The following TTC29 variants were observed in gnomAD, a reference collection of about 807,000 sequenced individuals.
TTC29 encodes the protein tetratricopeptide repeat domain 29.
Under a neutral mutation model 58.1 loss-of-function variants are expected in TTC29, and 49 were observed. That is an observed-to-expected ratio of 0.84 (90% CI 0.67 to 1.07). The LOEUF (loss-of-function observed/expected upper bound fraction) is 1.07. Ranked by LOEUF, TTC29 falls within the 50% of genes least tolerant of loss-of-function variation. The probability of loss-of-function intolerance (pLI) is 0.00; values close to 1 mark genes in which losing one functional copy is unlikely to be tolerated. For missense variants in TTC29, 582 were observed against 555.6 expected (o/e 1.05, Z -0.48); for synonymous variants, 209 against 196.8 (o/e 1.06, Z -0.52).
At chr4:146,855,166 A>G (rs1310279946) in intron 8 of TTC29, among the ~76,000 whole-genome samples, 1 of 152,108 alleles carries the variant, frequency 6.6e-6, no homozygotes, top group Non-Finnish European at 1.5e-5. Flanking sequence ...ATGGTGGCTC[A>G]TGCCTATAAT....
chr4:146,918,085 C>T (rs532213674), intron 4 of TTC29, among the ~76,000 whole-genome samples: 31 of 150,932 alleles, frequency 2.1e-4, no homozygotes, highest in African/African-American at 6.5e-4. Flanking sequence ...AAAACAGTTA[C>T]GCGTTTACTA....
At chr4:146,876,227 T>C (rs1307039386) in intron 6 of TTC29, among the ~76,000 whole-genome samples, 1 of 152,232 alleles carries the variant, frequency 6.6e-6, no homozygotes, top group African/African-American at 2.4e-5. Flanking sequence ...AATTATATGT[T>C]ACAGGGTAGG....
intron 11 of TTC29, among the ~76,000 whole-genome samples, chr4:146,776,298 C>A (rs187682322): frequency 5.3e-4 from 80 of 152,276 alleles, no homozygotes; most frequent in Non-Finnish European, 1.0e-3. Flanking sequence ...TCATTTCAAC[C>A]TTTTCAGCCT....
At chr4:146,935,558 TGAG>T (rs747107948) in intron 4 of TTC29, among the ~76,000 whole-genome samples, 3 of 152,178 alleles carry the variant, frequency 2.0e-5, no homozygotes, top group Non-Finnish European at 2.9e-5. Flanking sequence ...CTATTTTCCT[TGAG>T]AAGTTCTATC....
chr4:146,774,156 T>A (rs1365461861), intron 11 of TTC29, among the ~76,000 whole-genome samples: 1 of 152,162 alleles, frequency 6.6e-6, no homozygotes, highest in Non-Finnish European at 1.5e-5. Context: ...CTATCTGTCT[T>A]ATTTATTCTT....
chr4:146,824,418 A>G (rs1727618594), intron 9 of TTC29, among the ~76,000 whole-genome samples: 1 of 152,112 alleles, frequency 6.6e-6, no homozygotes, highest in Non-Finnish European at 1.5e-5. Flanking sequence ...TGATTTGCTT[A>G]TGTTGAGCCA....
rs551833270 is a variant in TTC29, at chr4:146,860,388, C to T, written c.885+7110G>A. Among the ~76,000 whole-genome samples the T allele has an allele frequency of 5.9e-5, 9 of 152,212 alleles. No homozygotes were observed. The East Asian group carries it at 1.7e-3, about 29-fold the overall frequency. On this transcript the variant is annotated intron_variant, in intron 8 of 12. Transcript: ENST00000325106. ...TTTTACACACATGATACATATCTTC[C>T]ATTGTTAATAAATATATATCAAATA... is the stretch of plus-strand genomic sequence containing the variant.
At chr4:146,821,209 G>C (rs985159341) in intron 9 of TTC29, among the ~76,000 whole-genome samples, 5 of 152,178 alleles carry the variant, frequency 3.3e-5, no homozygotes, top group African/African-American at 1.2e-4. Flanking sequence ...GCTGAGGAAA[G>C]TGGAGGATTG....
chr4:146,874,582 T>G, intron 7 of TTC29, 134 bp downstream of exon 7: 3 of 735,402 alleles, frequency 4.1e-6, no homozygotes, highest in Non-Finnish European at 6.7e-6. Flanking sequence ...AATTTGAAAG[T>G]AAATTGATGG....
intron 11 of TTC29, among the ~76,000 whole-genome samples, chr4:146,799,671 G>T: frequency 6.6e-6 from 1 of 152,124 alleles, no homozygotes; most frequent in Admixed American, 6.5e-5. Flanking sequence ...GTCAGGATTT[G>T]CATCTTATTT....
At chr4:146,798,988 C>T (rs1358994055) in intron 11 of TTC29, among the ~76,000 whole-genome samples, 3 of 149,974 alleles carry the variant, frequency 2.0e-5, no homozygotes, top group Non-Finnish European at 4.4e-5. Context: ...GGAATCTTGT[C>T]GACATATATT....
intron 11 of TTC29, among the ~76,000 whole-genome samples, chr4:146,715,378 C>A (rs774661740): frequency 6.6e-6 from 1 of 152,026 alleles, no homozygotes; most frequent in Non-Finnish European, 1.5e-5. Flanking sequence ...CGTTAACAGA[C>A]AAAAGGATGA....
At chr4:146,775,256 A>C (rs1043880424) in intron 11 of TTC29, among the ~76,000 whole-genome samples, 14 of 152,154 alleles carry the variant, frequency 9.2e-5, no homozygotes, top group Non-Finnish European at 1.9e-4. Flanking sequence ...ATTCAAGATT[A>C]ACATTGATAT....
intron 4 of TTC29, among the ~76,000 whole-genome samples, chr4:146,926,527 T>G (rs1007909683): frequency 6.6e-6 from 1 of 151,972 alleles, no homozygotes; most frequent in Non-Finnish European, 1.5e-5. Flanking sequence ...GGCTGGAGAG[T>G]GCAATGGTGC....
intron 8 of TTC29, among the ~76,000 whole-genome samples, chr4:146,857,240 G>T (rs1729918441): frequency 6.7e-6 from 1 of 150,374 alleles, no homozygotes; most frequent in African/African-American, 2.5e-5. Flanking sequence ...CTTATGAAAT[G>T]AAAATAAGGT....
chr4:146,733,238 G>C (rs1561071013), intron 11 of TTC29, among the ~76,000 whole-genome samples: 1 of 152,140 alleles, frequency 6.6e-6, no homozygotes, highest in African/African-American at 2.4e-5. Context: ...ATAGTCACAG[G>C]CAGAGGGTGT....
chr4:146,828,622 C>A (rs1185282366), intron 9 of TTC29, among the ~76,000 whole-genome samples: 2 of 151,814 alleles, frequency 1.3e-5, no homozygotes. Context: ...AAGATATATA[C>A]AAACAAAGAA....
At chr4:146,809,931 A>G (rs1750898386) in intron 10 of TTC29, among the ~76,000 whole-genome samples, 1 of 133,260 alleles carries the variant, frequency 7.5e-6, no homozygotes, top group African/African-American at 2.7e-5. Flanking sequence ...CCCAAGGATT[A>G]TAAATCATTC....
intron 12 of TTC29, 77 bp downstream of exon 12, chr4:146,707,407 GT>G (rs1742039539): frequency 1.9e-6 from 2 of 1,065,606 alleles, no homozygotes; most frequent in Admixed American, 4.4e-5. Context: ...CTCTTTTTGT[GT>G]TTGGAGAATG....
Sources: gnomAD v4.1 joint callset for allele counts (sites outside exome capture counted in the v4.1 genomes callset) on GRCh38, gnomAD v4.1.1 for gene constraint, MANE v1.5 for transcripts, NCBI Gene and HGNC (gene_info 2026-07-23, HGNC 2026-07-21) for gene names.